WDR47: variants seen among roughly 807,000 people sequenced by gnomAD.
WDR47 encodes WD repeat domain 47.
A neutral mutation model predicts 97.2 loss-of-function variants in WDR47; 32 were observed. The observed-to-expected ratio is 0.33, with a 90% confidence interval of 0.25 to 0.44. WDR47 has a LOEUF of 0.44. Ranked by LOEUF, WDR47 falls within the 20% of genes least tolerant of loss-of-function variation. WDR47 has a pLI of 1.00. For missense variants in WDR47, 782 were observed against 1,102.3 expected, an observed-to-expected ratio of 0.71 and a Z score of 4.11; for synonymous variants, 375 against 373.5, an observed-to-expected ratio of 1.00 and a Z score of -0.05.
intron 7 of WDR47, among the ~76,000 whole-genome samples, chr1:109,001,409 G>A (rs986238426): frequency 1.3e-5 from 2 of 151,864 alleles, no homozygotes; most frequent in Non-Finnish European, 2.9e-5. Flanking sequence ...TTGTTTTGGC[G>A]GAAATTATAA....
At chr1:109,023,612 G>C (rs944714533) in intron 1 of WDR47, 91 bp from the exon 2 acceptor site, 8 of 1,291,930 alleles carry the variant, frequency 6.2e-6, no homozygotes, top group Non-Finnish European at 7.4e-6. Context: ...AGGTTTACTG[G>C]GAATCTTTAG....
intron 1 of WDR47, among the ~76,000 whole-genome samples, chr1:109,032,276 C>CCA (rs1662652991): frequency 7.2e-6 from 1 of 138,010 alleles, no homozygotes; most frequent in Non-Finnish European, 1.6e-5. Context: ...CTTTGGGAGG[C>CCA]GGAGGCGGGT....
intron 3 of WDR47, among the ~76,000 whole-genome samples, chr1:109,014,907 T>TG (rs1221773008): frequency 6.6e-6 from 1 of 152,188 alleles, no homozygotes; most frequent in African/African-American, 2.4e-5. Context: ...CAGCCACTGT[T>TG]GTAGTAGCAA....
intron 13 of WDR47, among the ~76,000 whole-genome samples, chr1:108,978,535 T>C (rs1007249326): frequency 1.3e-5 from 2 of 150,102 alleles, no homozygotes; most frequent in African/African-American, 4.9e-5. Context: ...GCACACAGAA[T>C]AGGTTTCAGC....
rs192143586 is a variant in WDR47 at position 109,020,409 on chromosome 1, C to T, written c.159-2808G>A. ...CCAAGTAGCTAGGACTACAGGCACC[C>T]GCCACCACGCCTGGCTAATTTTTTG... On this transcript the variant is annotated intron_variant, in intron 2 of 14. Coordinates refer to ENST00000369962, the MANE Select transcript of WDR47 (RefSeq NM_001142551.2). Among the ~76,000 whole-genome samples, 261 of 151,762 alleles carry T rather than the reference C, an allele frequency of 1.7e-3. 1 individual carries two copies. The highest frequency in any genetic ancestry group is 9.6e-3 in the Admixed American group (146 of 15,196).
At position 108,971,074 on chromosome 1, in the gene WDR47, A is replaced by G. The variant is rs1422587773; in HGVS notation, c.*356T>C. On this transcript the variant is annotated 3_prime_UTR_variant, in exon 15 of 15. Transcript: ENST00000369962. ...ATAGTTGAAGTATAATTCCATTTCA[A>G]TGTGCATATAAAACTGTTATTTAGG... The G allele has an allele frequency of 1.7e-5, 3 of 177,746 alleles. No homozygotes were observed. Among genetic ancestry groups the G allele is most frequent in the South Asian group, 1.8e-4 (1 of 5,594 alleles). 11.0% of individuals were successfully genotyped at this position (177,746 alleles called of 1,614,324 possible). A position where few individuals can be genotyped will look rare whatever the true frequency, so the allele number is the denominator to read the frequency against.
chr1:109,027,864 T>C (rs1274291155), intron 1 of WDR47, among the ~76,000 whole-genome samples: 2 of 152,120 alleles, frequency 1.3e-5, no homozygotes, highest in Non-Finnish European at 2.9e-5. Context: ...TCCTAGCTAC[T>C]TTGGAAGGCT....
intron 3 of WDR47, among the ~76,000 whole-genome samples, 157 bp from the exon 4 acceptor site, chr1:109,014,082 AT>A (rs1661232206): frequency 6.6e-6 from 1 of 152,222 alleles, no homozygotes; most frequent in South Asian, 2.1e-4. Context: ...GTCACAAGTA[AT>A]CACAATTTAA....
chr1:108,993,550 A>C (rs1056057790), intron 8 of WDR47, among the ~76,000 whole-genome samples: 1 of 152,222 alleles, frequency 6.6e-6, no homozygotes, highest in Non-Finnish European at 1.5e-5. Context: ...CCTTTTCAGG[A>C]AACTGTGAGA....
chr1:109,011,826 A>G (rs1025735767), intron 4 of WDR47, 108 bp from the exon 5 acceptor site: 118 of 1,057,144 alleles, frequency 1.1e-4, no homozygotes, highest in Non-Finnish European at 1.5e-4. Context: ...GAATACTCAT[A>G]TAATTTGTAG....
chr1:109,020,427 AT>A (rs1179741962), intron 2 of WDR47, among the ~76,000 whole-genome samples: 2 of 151,760 alleles, frequency 1.3e-5, no homozygotes, highest in South Asian at 2.1e-4. Flanking sequence ...CGCCTGGCTA[AT>A]TTTTTGTATT....
At chr1:109,039,831 T>G (rs960089155) in intron 1 of WDR47, among the ~76,000 whole-genome samples, 3 of 151,260 alleles carry the variant, frequency 2.0e-5, no homozygotes, top group Non-Finnish European at 4.4e-5. Flanking sequence ...AGGCTAGGAG[T>G]TCGAGACCAG....
intron 13 of WDR47, among the ~76,000 whole-genome samples, chr1:108,979,191 T>TA (rs1414974503): frequency 1.3e-5 from 2 of 152,030 alleles, no homozygotes; most frequent in Admixed American, 6.6e-5. Context: ...AGCTAGAGTT[T>TA]AAAAATAAAT....
chr1:109,021,604 T>C (rs1661848537), intron 2 of WDR47, among the ~76,000 whole-genome samples: 1 of 152,012 alleles, frequency 6.6e-6, no homozygotes, highest in Admixed American at 6.6e-5. Context: ...AACAATTGTT[T>C]AAAATTAGGG....
chr1:109,018,436 C>CA (rs34692365), intron 2 of WDR47, among the ~76,000 whole-genome samples: 3,615 of 103,244 alleles, frequency 0.035, 63 homozygotes, highest in Non-Finnish European at 0.048. Flanking sequence ...GACTCTGTCT[C>CA]AAAAAAAAAA....
At chr1:108,976,800 A>G (rs1657937684) in intron 13 of WDR47, among the ~76,000 whole-genome samples, 1 of 152,182 alleles carries the variant, frequency 6.6e-6, no homozygotes, top group African/African-American at 2.4e-5. Flanking sequence ...AACTAAGGAA[A>G]CAGCATATGG....
chr1:109,041,840 T>G (rs569141332), intron 1 of WDR47, 22 bp downstream of exon 1: 1 of 152,260 alleles, frequency 6.6e-6, no homozygotes, highest in South Asian at 2.1e-4. Context: ...CGACCCAGCC[T>G]CCGACTCCCG....
chr1:109,023,439 T>C lies in WDR47; in HGVS notation c.74A>G (p.Lys25Arg). 1.2e-6 allele frequency: 2 copies of C among 1,613,826 alleles called. No homozygotes were observed. Among genetic ancestry groups the C allele is most frequent in the South Asian group, 1.1e-5 (1 of 91,070 alleles). Residue 25 changes from lysine to arginine, a missense_variant, in exon 2 of 15, where the codon AAG becomes AGG. Around this residue, in one of 3 missense-constraint regions of WDR47, gnomAD observed 428 missense variants for 584.3 expected, o/e 0.73. Coordinates refer to ENST00000369962, the MANE Select transcript of WDR47 (RefSeq NM_001142551.2). ...IKLILDFLNS[K>R]KLHISMLALE... is the part of the protein sequence containing the mutation. Reference sequence around the variant, plus strand: ...GGCCAGCATACTAATGTGAAGCTTCTTTGAATTCAGGAAGTCCAAAATTAG... The same window carrying C: ...GGCCAGCATACTAATGTGAAGCTTCCTTGAATTCAGGAAGTCCAAAATTAG...
At chr1:109,003,538 G>T (rs1459072487) in intron 6 of WDR47, among the ~76,000 whole-genome samples, 1 of 152,140 alleles carries the variant, frequency 6.6e-6, no homozygotes, top group Non-Finnish European at 1.5e-5. Context: ...GTCTCACTCT[G>T]TCGCCCAGGC....
Sources: gnomAD v4.1 joint callset for allele counts (sites outside exome capture counted in the v4.1 genomes callset) on GRCh38, gnomAD v4.1.1 for gene constraint, gnomAD v4.1.1 regional missense constraint, MANE v1.5 for transcripts, NCBI Gene and HGNC (gene_info 2026-07-23, HGNC 2026-07-21) for gene names.